The following SCG3 variants were observed in gnomAD, a reference collection of about 807,000 sequenced individuals.
The protein encoded by SCG3 is secretogranin III, also known as secretogranin-3.
In SCG3, 38 loss-of-function variants were observed where a neutral mutation model predicts 56.2. That is an observed-to-expected ratio of 0.68 (90% CI 0.52 to 0.89). SCG3 has a LOEUF of 0.89. Ranked by LOEUF, SCG3 falls within the 40% of genes least tolerant of loss-of-function variation. The pLI is 0.00. For missense variants in SCG3, 524 were observed against 540.7 expected (o/e 0.97, Z 0.31); for synonymous variants, 176 against 184.2 (o/e 0.96, Z 0.36).
intron 10 of SCG3, among the ~76,000 whole-genome samples, chr15:51,710,737 C>A (rs1479799738): frequency 6.7e-6 from 1 of 149,624 alleles, no homozygotes. Context: ...AGATGCACAC[C>A]ACCATGCCTG....
intron 6 of SCG3, among the ~76,000 whole-genome samples, chr15:51,690,431 A>T (rs77188808): frequency 0.021 from 3,261 of 151,980 alleles, 97 homozygotes; most frequent in East Asian, 0.094. Context: ...ATGGCTCCTC[A>T]TCTCCTCCAG....
intron 4 of SCG3, among the ~76,000 whole-genome samples, chr15:51,684,779 A>AGGC (rs2055217723): frequency 6.6e-6 from 1 of 152,196 alleles, no homozygotes; most frequent in African/African-American, 2.4e-5. Context: ...CTTTCTCCAA[A>AGGC]ACTAAACTGA....
intron 10 of SCG3, among the ~76,000 whole-genome samples, chr15:51,704,773 A>ATATATATATATATATATC (rs2055363676): frequency 9.2e-6 from 1 of 109,198 alleles, no homozygotes; most frequent in Non-Finnish European, 1.8e-5. Flanking sequence ...ACATATATAT[A>ATATATATATATATATATC]TATATATATA....
At chr15:51,715,172 T>G (rs1449057284) in intron 11 of SCG3, 1 of 152,240 alleles carries the variant, frequency 6.6e-6, no homozygotes, top group Non-Finnish European at 1.5e-5. Context: ...ATGACCAACC[T>G]GGTGAAGCAT....
chr15:51,682,955 G>A, intron 2 of SCG3, 124 bp from the exon 3 acceptor site: 1 of 730,686 alleles, frequency 1.4e-6, no homozygotes, highest in East Asian at 2.6e-5. Context: ...TCTGAAATAG[G>A]AATTATCCAC....
Position 51,699,310 on chromosome 15 carries a change from T to A in SCG3, c.986-9T>A, listed in dbSNP as rs1342550868. ...AATAAAATTAAATTTCTTTCCTTCC[T>A]CCCTCCAGAAAACTTGGATGAAATG... On this transcript the variant is annotated splice_polypyrimidine_tract_variant and intron_variant, in intron 8 of 11. Coordinates refer to ENST00000220478, the MANE Select transcript of SCG3 (RefSeq NM_013243.4). 3 of 1,587,406 alleles carry A rather than the reference T, an allele frequency of 1.9e-6. No individual in the cohort carries two copies. Among genetic ancestry groups the A allele is most frequent in the South Asian group, 2.3e-5 (2 of 86,362 alleles).
intron 10 of SCG3, chr15:51,707,908 C>T (rs930871171): frequency 6.6e-6 from 1 of 152,250 alleles, no homozygotes; most frequent in Middle Eastern, 3.4e-3. Context: ...TTTACAAAAC[C>T]TAATGTCTTT....
At chr15:51,705,316 T>C (rs1231148811) in intron 10 of SCG3, among the ~76,000 whole-genome samples, 2 of 152,064 alleles carry the variant, frequency 1.3e-5, no homozygotes, top group African/African-American at 2.4e-5. Flanking sequence ...GGTGCTGACA[T>C]TTCTGTTTGG....
rs1433939356 is a variant in SCG3, at chr15:51,683,297, T to C, written c.260T>C (p.Ile87Thr). ...AAGGCAATAACAGAAAAGGAAAAAA[T>C]TGAGAAAGAAAGACAATCTATAAGA... The part of the protein sequence containing the change: ...LLKAITEKEK[I>T]EKERQSIRSS... The change falls in exon 4 of 12, where the codon ATT becomes ACT. Residue 87 changes from isoleucine to threonine, a missense_variant. Coordinates refer to ENST00000220478, the MANE Select transcript of SCG3 (RefSeq NM_013243.4). The C allele has an allele frequency of 1.2e-6, 2 of 1,613,548 alleles. No individual in the cohort carries two copies. The highest frequency in any genetic ancestry group is 2.2e-5 in the East Asian group (1 of 44,828).
At chr15:51,701,011 C>G (rs2055335780) in intron 9 of SCG3, 96 bp from the exon 10 acceptor site, 1 of 1,496,412 alleles carries the variant, frequency 6.7e-7, no homozygotes, top group Non-Finnish European at 9.1e-7. Context: ...GATCTGAGCT[C>G]AAACTGTACC....
intron 11 of SCG3, among the ~76,000 whole-genome samples, chr15:51,714,808 G>A (rs139290933): frequency 1.3e-5 from 2 of 152,234 alleles, no homozygotes; most frequent in Non-Finnish European, 2.9e-5. Context: ...AATAATTATC[G>A]ATGTTCATGC....
chr15:51,688,434 C>T, intron 5 of SCG3, 32 bp downstream of exon 5: 1 of 1,604,752 alleles, frequency 6.2e-7, no homozygotes, highest in Non-Finnish European at 8.5e-7. Context: ...AAACCAAATT[C>T]CTAGTGCAGT....
Position 51,701,202 on chromosome 15 carries a change from G to A in SCG3, c.1165G>A (p.Asp389Asn). Residue 389 changes from aspartate to asparagine, a missense_variant, in exon 10 of 12, where the codon GAT becomes AAT. Coordinates refer to ENST00000220478, the MANE Select transcript of SCG3 (RefSeq NM_013243.4). Reference protein sequence around the residue: ...EYGSLKDSTKDDNSNPGGKTD... With the variant: ...EYGSLKDSTKNDNSNPGGKTD... ...TGGAAGCTTGAAGGATTCCACAAAA[G>A]ATGATAACTCCAACCCAGGAGGAAA... The A allele has an allele frequency of 6.2e-7, 1 of 1,612,112 alleles. No homozygotes were observed. The highest frequency in any genetic ancestry group is 8.5e-7 in the Non-Finnish European group (1 of 1,179,272).
At position 51,681,824 on chromosome 15, in the gene SCG3, T is replaced by C. The variant is rs761251542; in HGVS notation, c.69T>C (p.Pro23=). The C allele has an allele frequency of 5.0e-6, 8 of 1,613,880 alleles. No individual in the cohort carries two copies. The highest frequency in any genetic ancestry group is 4.0e-5 in the African/African-American group (3 of 74,928). The change falls in exon 1 of 12, where the codon CCT becomes CCC. Residue 23 remains proline, a synonymous_variant. Coordinates refer to ENST00000220478, the MANE Select transcript of SCG3 (RefSeq NM_013243.4). ...LVLPIQAFPK[P]GGSQDKSLHN... The stretch of plus-strand genomic sequence containing the variant: ...TCCCGATTCAAGCTTTCCCCAAACC[T>C]GGAGGAAGCCAAGGTATGTGAACAC...
intron 7 of SCG3, 178 bp from the exon 8 acceptor site, chr15:51,695,697 C>T (rs2141566684): frequency 5.5e-6 from 3 of 549,514 alleles, no homozygotes; most frequent in African/African-American, 3.9e-5. Context: ...CTGTAGTGAG[C>T]CATGATCAGA....
intron 10 of SCG3, 104 bp downstream of exon 10, chr15:51,701,348 A>G (rs150880660): frequency 1.7e-6 from 2 of 1,163,272 alleles, no homozygotes; most frequent in South Asian, 3.2e-5. Context: ...ACATCTGAGA[A>G]ATTGACACAA....
rs754462520 is a variant in SCG3 at position 51,688,273 on chromosome 15, T to C, written c.411T>C (p.Gly137=). The C allele has an allele frequency of 1.2e-6, 2 of 1,613,566 alleles. No homozygotes were observed. Among genetic ancestry groups the C allele is most frequent in the South Asian group, 1.1e-5 (1 of 91,034 alleles). The change falls in exon 5 of 12, where the codon GGT becomes GGC. Residue 137 remains glycine (G), a synonymous_variant. Transcript: ENST00000220478. ...CGTTCTGTCTAGATGATCCAGATGG[T>C]CTTCATCAACTAGACGGGACTCCTT... The part of the protein sequence containing the change: ...LDHKFQDDPD[G]LHQLDGTPLT...
intron 10 of SCG3, among the ~76,000 whole-genome samples, chr15:51,711,359 C>T (rs567166416): frequency 2.0e-5 from 3 of 152,198 alleles, no homozygotes; most frequent in South Asian, 4.1e-4. Context: ...CATCATGATA[C>T]GATATCAGAG....
At chr15:51,717,210 A>G (rs1259054267) in intron 11 of SCG3, among the ~76,000 whole-genome samples, 1 of 152,172 alleles carries the variant, frequency 6.6e-6, no homozygotes, top group East Asian at 1.9e-4. Context: ...TCTACTAAAA[A>G]TACAAAAATT....
Sources: gnomAD v4.1 joint callset for allele counts (sites outside exome capture counted in the v4.1 genomes callset) on GRCh38, gnomAD v4.1.1 for gene constraint, MANE v1.5 for transcripts, NCBI Gene and HGNC (gene_info 2026-07-23, HGNC 2026-07-21) for gene names.